The following CHST8 variants were observed in gnomAD, a reference collection of about 807,000 sequenced individuals.
CHST8 encodes carbohydrate sulfotransferase 8.
Under a neutral mutation model 15.0 loss-of-function variants are expected in CHST8, and 10 were observed. That is an observed-to-expected ratio of 0.67 (90% CI 0.41 to 1.13). The LOEUF (loss-of-function observed/expected upper bound fraction) is 1.13, where lower values mean the gene tolerates loss of function less well. Among genes scored for constraint, CHST8 ranks in the 50% most tolerant of loss-of-function variants. The pLI, the probability that CHST8 is intolerant of heterozygous loss-of-function variation, is 0.00. For missense variants in CHST8, 634 were observed against 608.2 expected, an observed-to-expected ratio of 1.04 and a Z score of -0.45; for synonymous variants, 259 against 256.6, an observed-to-expected ratio of 1.01 and a Z score of -0.09.
At chr19:33,705,847 G>A (rs1973435835) in intron 3 of CHST8, among the ~76,000 whole-genome samples, 2 of 152,152 alleles carry the variant, frequency 1.3e-5, no homozygotes, top group Non-Finnish European at 1.5e-5. Context: ...CCAGTACTAG[G>A]AGAGGGACCC....
intron 1 of CHST8, among the ~76,000 whole-genome samples, chr19:33,644,419 A>G (rs1403855161): frequency 6.6e-6 from 1 of 152,126 alleles, no homozygotes; most frequent in Non-Finnish European, 1.5e-5. Flanking sequence ...TAAGGGCAGC[A>G]GACAGTGAAC....
rs116310442 is a variant in CHST8, at chr19:33,725,104, G to A, written c.130+35713G>A. On this transcript the variant is annotated intron_variant, in intron 3 of 4. Transcript: ENST00000650847. Reference sequence around the variant, plus strand: ...GCTGTTATGAGGGACATGAGTGTGCGTGCACAGAGTGTGAGGGTGTCTCCA... The same window carrying A: ...GCTGTTATGAGGGACATGAGTGTGCATGCACAGAGTGTGAGGGTGTCTCCA... Among the ~76,000 whole-genome samples, 1,056 of 152,258 alleles carry A rather than the reference G, an allele frequency of 6.9e-3. 16 individuals are homozygous for A. Among genetic ancestry groups the A allele is most frequent in the African/African-American group, 0.024 (1,012 of 41,544 alleles).
chr19:33,643,844 A>T (rs1972315480), intron 1 of CHST8, among the ~76,000 whole-genome samples: 1 of 152,234 alleles, frequency 6.6e-6, no homozygotes, highest in South Asian at 2.1e-4. Flanking sequence ...TAGTGTTAGG[A>T]TAGTGTTTCA....
chr19:33,674,296 G>A (rs1360923459), intron 2 of CHST8, among the ~76,000 whole-genome samples: 1 of 152,180 alleles, frequency 6.6e-6, no homozygotes, highest in Non-Finnish European at 1.5e-5. Flanking sequence ...TCACCTAGGT[G>A]TGGCCTGCTA....
chr19:33,698,445 C>T (rs1432129334), intron 3 of CHST8, among the ~76,000 whole-genome samples: 1 of 151,598 alleles, frequency 6.6e-6, no homozygotes, highest in African/African-American at 2.4e-5. Context: ...TGGTGGCTGC[C>T]TGTTGTGTGG....
At chr19:33,766,355 T>A (rs1227877194) in intron 3 of CHST8, among the ~76,000 whole-genome samples, 1 of 151,746 alleles carries the variant, frequency 6.6e-6, no homozygotes, top group Non-Finnish European at 1.5e-5. Context: ...TCCCATGGAG[T>A]GGAGCCTGGC....
chr19:33,713,166 G>T (rs951275844), intron 3 of CHST8, among the ~76,000 whole-genome samples: 2 of 152,170 alleles, frequency 1.3e-5, no homozygotes, highest in Non-Finnish European at 2.9e-5. Flanking sequence ...GCCTAGCAGT[G>T]CTCACTGTCA....
chr19:33,691,115 C>T (rs909555603), intron 3 of CHST8, among the ~76,000 whole-genome samples: 5 of 152,200 alleles, frequency 3.3e-5, no homozygotes, highest in Admixed American at 2.6e-4. Flanking sequence ...CCTGCCCTGC[C>T]GCAGCAAGAG....
chr19:33,695,824 T>TC (rs1555716691), intron 3 of CHST8, among the ~76,000 whole-genome samples: 23 of 127,062 alleles, frequency 1.8e-4, no homozygotes, highest in East Asian at 4.4e-4. Context: ...TTTCTTTCTT[T>TC]TTTTTTTTTT....
chr19:33,697,958 C>T (rs1401935055), intron 3 of CHST8, among the ~76,000 whole-genome samples: 1 of 152,066 alleles, frequency 6.6e-6, no homozygotes. Context: ...CTCTGGGGAC[C>T]CCGGAGTAGG....
intron 1 of CHST8, among the ~76,000 whole-genome samples, chr19:33,663,956 G>GA (rs1972618173): frequency 6.6e-6 from 1 of 152,094 alleles, no homozygotes. Flanking sequence ...GTTGTTAAGT[G>GA]AAAAAAAGCA....
At chr19:33,629,191 A>G (rs890634669) in intron 1 of CHST8, among the ~76,000 whole-genome samples, 2 of 152,106 alleles carry the variant, frequency 1.3e-5, no homozygotes, top group African/African-American at 4.8e-5. Flanking sequence ...GGAGCTGACC[A>G]CCCACTGTGG....
Position 33,689,259 on chromosome 19 carries a change from C to T in CHST8, c.-3C>T, listed in dbSNP as rs377466290. The T allele has an allele frequency of 1.1e-4, 168 of 1,579,362 alleles. No individual in the cohort carries two copies. The highest frequency in any genetic ancestry group is 4.2e-4 in the African/African-American group (31 of 73,812). ...CAAGAGGTGACCCCTGAGCCAGCCCCGGATGACCCTGCGACCTGGAACAAT... is the reference window on the plus strand; with the variant it reads ...CAAGAGGTGACCCCTGAGCCAGCCCTGGATGACCCTGCGACCTGGAACAAT... On this transcript the variant is annotated 5_prime_UTR_variant, in exon 3 of 5. Coordinates refer to ENST00000650847, the MANE Select transcript of CHST8 (RefSeq NM_001127895.2).
chr19:33,756,766 C>A (rs760857221), intron 3 of CHST8, among the ~76,000 whole-genome samples: 3 of 152,178 alleles, frequency 2.0e-5, no homozygotes, highest in Non-Finnish European at 4.4e-5. Context: ...CCTTTTGGGC[C>A]TCACTCTTCT....
intron 3 of CHST8, among the ~76,000 whole-genome samples, chr19:33,755,118 C>T (rs746183): frequency 0.021 from 3,235 of 152,298 alleles, 55 homozygotes; most frequent in East Asian, 0.028. Context: ...CAGGATGGTG[C>T]CTTCCTGTGG....
At chr19:33,770,182 C>T (rs1345028936) in intron 3 of CHST8, among the ~76,000 whole-genome samples, 4 of 152,202 alleles carry the variant, frequency 2.6e-5, no homozygotes, top group Non-Finnish European at 4.4e-5. Context: ...GATCCCTTCA[C>T]CAGCTGGGCT....
rs570215722 is a variant in CHST8 at position 33,707,839 on chromosome 19, G to A, written c.130+18448G>A. Among the ~76,000 whole-genome samples the A allele has an allele frequency of 4.3e-4, 65 of 152,218 alleles. 1 individual carries two copies. Among genetic ancestry groups the A allele is most frequent in the African/African-American group, 1.5e-3 (64 of 41,542 alleles). ...ATTTAAGGGATACTGACAAACTGTT[G>A]GCTAAAATTGCTGTACCATTTTACA... On this transcript the variant is annotated intron_variant, in intron 3 of 4. Transcript: ENST00000650847.
chr19:33,746,841 G>A (rs143532109), intron 3 of CHST8, among the ~76,000 whole-genome samples: 109 of 151,822 alleles, frequency 7.2e-4, no homozygotes, highest in Admixed American at 1.2e-3. Flanking sequence ...TTTTTTCAAG[G>A]CATTTATTTT....
At chr19:33,749,308 T>C (rs1460752317) in intron 3 of CHST8, among the ~76,000 whole-genome samples, 1 of 152,070 alleles carries the variant, frequency 6.6e-6, no homozygotes, top group African/African-American at 2.4e-5. Context: ...TGGCTAAATA[T>C]GTGTATATCA....
Sources: allele counts gnomAD v4.1 joint callset (sites outside exome capture counted in the v4.1 genomes callset), GRCh38; gene constraint gnomAD v4.1.1; transcripts MANE v1.5; gene names NCBI Gene and HGNC (gene_info 2026-07-23, HGNC 2026-07-21).